Variants in FUNDC1 observed in about 807,000 individuals in gnomAD.
FUNDC1 encodes the protein FUN14 domain-containing protein 1.
FUNDC1 carries 10 observed loss-of-function variants against 14.5 expected under a neutral mutation model. That is an observed-to-expected ratio of 0.69 (90% confidence interval 0.43 to 1.17). The LOEUF (loss-of-function observed/expected upper bound fraction) is 1.17. Among genes scored for constraint, FUNDC1 ranks in the 50% most tolerant of loss-of-function variants. The pLI is 0.00. For synonymous variants in FUNDC1, 33 were observed against 39.7 expected (o/e 0.83, Z 0.64); for missense variants, 115 against 113.8 (o/e 1.01, Z -0.05).
intron 1 of FUNDC1, among the ~76,000 whole-genome samples, chrX:44,542,511 C>T (rs1419881423): frequency 9.5e-6 from 1 of 105,526 alleles, no homozygotes; most frequent in Non-Finnish European, 1.9e-5. Context: ...TCACTTGAGT[C>T]CAGACGTTTA....
intron 4 of FUNDC1, among the ~76,000 whole-genome samples, 153 bp downstream of exon 4, chrX:44,527,084 T>C (rs1222330163): frequency 3.7e-5 from 4 of 107,496 alleles, no homozygotes; most frequent in East Asian, 2.9e-4. Flanking sequence ...AGTGGTGTGA[T>C]CTCAAATTTT....
At chrX:44,532,552 T>C (rs1349411477) in intron 3 of FUNDC1, among the ~76,000 whole-genome samples, 2 of 106,496 alleles carry the variant, frequency 1.9e-5, no homozygotes, top group Non-Finnish European at 3.8e-5. Context: ...TGTATATATA[T>C]ATATATTTTT....
chrX:44,535,723 C>A (rs1253933051), intron 3 of FUNDC1, among the ~76,000 whole-genome samples: 1 of 106,696 alleles, frequency 9.4e-6, no homozygotes, highest in African/African-American at 3.4e-5. Context: ...CGGTGGCTCA[C>A]GCCTGTAATC....
In FUNDC1 at chrX:44,530,955, C is replaced by T. The variant is rs141602885; in HGVS notation, c.262-3590G>A. On this transcript the variant is annotated intron_variant, in intron 3 of 4. Coordinates refer to ENST00000378045, the MANE Select transcript of FUNDC1 (RefSeq NM_173794.4). The stretch of plus-strand genomic sequence containing the variant: ...ATAAATAAATAAATAAATAATAATG[C>T]CAGAGGCCAGGCTCGGTTGCTCACG... 9.3e-4 allele frequency among the ~76,000 whole-genome samples: 101 copies of T among 108,879 alleles called. No homozygotes were observed. In the East Asian group the frequency reaches 0.028, roughly 30 times the overall value. 94.5% of individuals were successfully genotyped at this position (108,879 alleles called of 115,157 possible).
chrX:44,541,803 T>A (rs958913004), intron 2 of FUNDC1, 142 bp downstream of exon 2: 1 of 502,376 alleles, frequency 2.0e-6, no homozygotes, highest in Non-Finnish European at 3.1e-6. Context: ...GTAGATTACA[T>A]CAATTTTAAC....
At chrX:44,526,097 G>A (rs2038899956) in intron 4 of FUNDC1, among the ~76,000 whole-genome samples, 1 of 89,651 alleles carries the variant, frequency 1.1e-5, no homozygotes, top group African/African-American at 4.1e-5. Context: ...CAGCGAGACA[G>A]AATGAGACCT....
chrX:44,542,661 C>T (rs1478352341), intron 1 of FUNDC1, 144 bp downstream of exon 1: 2 of 568,459 alleles, frequency 3.5e-6, no homozygotes, highest in South Asian at 2.7e-5. Flanking sequence ...AAGTCTAGCT[C>T]GGAGGGGGTG....
At chrX:44,530,493 C>G (rs1157201991) in intron 3 of FUNDC1, among the ~76,000 whole-genome samples, 1 of 110,004 alleles carries the variant, frequency 9.1e-6, no homozygotes, top group East Asian at 2.9e-4. Flanking sequence ...GTAATCCCAG[C>G]TACTTGGAAG....
chrX:44,531,671 A>G (rs1418134771), intron 3 of FUNDC1, among the ~76,000 whole-genome samples: 1 of 108,543 alleles, frequency 9.2e-6, no homozygotes, highest in Non-Finnish European at 1.9e-5. Flanking sequence ...CTTTAACTTG[A>G]AAACTAGAAA....
chrX:44,538,780 T>C (rs1352048480), intron 2 of FUNDC1, among the ~76,000 whole-genome samples: 1 of 111,185 alleles, frequency 9.0e-6, no homozygotes, highest in Non-Finnish European at 1.9e-5. Flanking sequence ...AGGAGGAGAA[T>C]TTATAGAAAA....
chrX:44,533,637 AAAAAAAAAAAAACAAC>A (rs1263082814), intron 3 of FUNDC1, among the ~76,000 whole-genome samples: 2 of 105,574 alleles, frequency 1.9e-5, no homozygotes, highest in Non-Finnish European at 3.9e-5. Flanking sequence ...CAAAAAAAAA[AAAAAAAAAAAAACAAC>A]AAAACAACAA....
intron 4 of FUNDC1, among the ~76,000 whole-genome samples, chrX:44,526,152 C>G (rs926240546): frequency 2.2e-4 from 24 of 109,891 alleles, no homozygotes; most frequent in African/African-American, 7.3e-4. Context: ...AACAGTTGGC[C>G]GGGCCTGGTG....
intron 3 of FUNDC1, among the ~76,000 whole-genome samples, 182 bp downstream of exon 3, chrX:44,538,285 T>C (rs1400793728): frequency 8.9e-6 from 1 of 112,496 alleles, no homozygotes; most frequent in African/African-American, 3.2e-5. Flanking sequence ...CGCTCGGTAA[T>C]GGCTGTCTTT....
At chrX:44,528,100 G>A (rs2038909193) in intron 3 of FUNDC1, among the ~76,000 whole-genome samples, 1 of 111,833 alleles carries the variant, frequency 8.9e-6, no homozygotes, top group Non-Finnish European at 1.9e-5. Context: ...CAGTAACTCA[G>A]TGCCTCCAAA....
At chrX:44,536,733 G>A (rs1302378423) in intron 3 of FUNDC1, among the ~76,000 whole-genome samples, 1 of 111,536 alleles carries the variant, frequency 9.0e-6, no homozygotes, top group Non-Finnish European at 1.9e-5. Context: ...TGTCTCAAGG[G>A]ATGGAAAAAT....
At chrX:44,532,122 C>T (rs909202776) in intron 3 of FUNDC1, among the ~76,000 whole-genome samples, 3 of 110,470 alleles carry the variant, frequency 2.7e-5, no homozygotes, top group African/African-American at 9.9e-5. Flanking sequence ...AGGCCCGGCA[C>T]GGTGGCTCAT....
At position 44,531,466 on chromosome X, in the gene FUNDC1, G is replaced by GCTGTTTCA. The variant is rs755400239; in HGVS notation, c.262-4109_262-4102dup. On this transcript the variant is annotated intron_variant, in intron 3 of 4. Transcript: ENST00000378045. ...CTTCACCATATGCTGATCTAATTGG[G>GCTGTTTCA]CTGTTTCACTGCGGGAAATTCTGCC... is the stretch of plus-strand genomic sequence containing the variant. Among the ~76,000 whole-genome samples, 21 of 108,333 alleles carry GCTGTTTCA rather than the reference G, an allele frequency of 1.9e-4. No homozygotes were observed. The East Asian group carries it at 6.2e-3, about 32-fold the overall frequency. 94.1% of individuals were successfully genotyped at this position (108,333 alleles called of 115,157 possible).
At position 44,542,076 on chromosome X, in the gene FUNDC1, A is replaced by G. The variant is rs1211652574; in HGVS notation, c.54T>C (p.Tyr18=). Residue 18 remains tyrosine, a synonymous_variant, in exon 2 of 5, where the codon TAT becomes TAC. Coordinates refer to ENST00000378045, the MANE Select transcript of FUNDC1 (RefSeq NM_173794.4). ...PQDYESDDDS[Y]EVLDLTEYAR... is the part of the protein sequence containing the mutation. ...CATACTCAGTTAAATCCAACACTTC[A>G]TAAGAGTCGTCATCACTTTCATAGT... 1.7e-6 allele frequency: 2 copies of G among 1,201,851 alleles called. No individual in the cohort carries two copies. The highest frequency in any genetic ancestry group is 3.0e-5 in the East Asian group (1 of 33,780).
chrX:44,539,133 AC>A (rs1186755312), intron 2 of FUNDC1, among the ~76,000 whole-genome samples: 1 of 111,084 alleles, frequency 9.0e-6, no homozygotes, highest in Non-Finnish European at 1.9e-5. Context: ...ATCTATATCT[AC>A]CTATTTTTAT....
Sources: allele counts gnomAD v4.1 joint callset (sites outside exome capture counted in the v4.1 genomes callset), GRCh38; gene constraint gnomAD v4.1.1; transcripts MANE v1.5; gene names NCBI Gene and HGNC (gene_info 2026-07-23, HGNC 2026-07-21).